Variants in SUGCT observed in about 807,000 individuals in gnomAD.
The protein encoded by SUGCT is succinyl-CoA:glutarate CoA-transferase.
A neutral mutation model predicts 55.0 loss-of-function variants in SUGCT; 41 were observed. The ratio of observed to expected loss-of-function variants is 0.74; its 90% confidence interval spans 0.58 to 0.97. The LOEUF is 0.97. Ranked by LOEUF, SUGCT falls within the 50% of genes least tolerant of loss-of-function variation. The pLI is 0.00. For missense variants in SUGCT, 568 were observed against 547.8 expected (o/e 1.04, Z -0.37); for synonymous variants, 187 against 200.4 (o/e 0.93, Z 0.56).
intron 11 of SUGCT, among the ~76,000 whole-genome samples, chr7:40,467,914 C>T (rs755506501): frequency 3.3e-5 from 5 of 150,570 alleles, no homozygotes; most frequent in Non-Finnish European, 7.4e-5. Flanking sequence ...CTTAGGAATA[C>T]ATTTTACTTT....
At chr7:40,531,193 G>A (rs985655319) in intron 12 of SUGCT, among the ~76,000 whole-genome samples, 1 of 152,194 alleles carries the variant, frequency 6.6e-6, no homozygotes, top group East Asian at 1.9e-4. Context: ...TGCACATGGA[G>A]AAAGTGCCTA....
At chr7:40,518,007 A>G (rs1198613910) in intron 12 of SUGCT, among the ~76,000 whole-genome samples, 1 of 152,178 alleles carries the variant, frequency 6.6e-6, no homozygotes, top group Admixed American at 6.6e-5. Flanking sequence ...GTAGGCGGTG[A>G]TTACAGAAGG....
intron 10 of SUGCT, among the ~76,000 whole-genome samples, chr7:40,450,262 A>G (rs1216646323): frequency 6.6e-6 from 1 of 151,954 alleles, no homozygotes; most frequent in East Asian, 1.9e-4. Context: ...TGATGTTTAT[A>G]TTAGTTATCA....
intron 12 of SUGCT, among the ~76,000 whole-genome samples, chr7:40,568,316 G>A (rs1442745610): frequency 1.3e-5 from 2 of 152,012 alleles, no homozygotes; most frequent in Non-Finnish European, 2.9e-5. Context: ...TTCTTTATCA[G>A]TGATACACAC....
chr7:40,962,105 ATTTTACAGAGTGCTGATTGGTCCAT>A, the SUGCT span, among the ~76,000 whole-genome samples: 4 of 151,944 alleles, frequency 2.6e-5, no homozygotes, highest in Non-Finnish European at 4.4e-5. Context: ...TGATTGGTTC[ATTTTACAGAGTGCTGATTGGTCCAT>A]TTTTACAGAG....
At chr7:40,741,004 G>A (rs1455330209) in intron 12 of SUGCT, among the ~76,000 whole-genome samples, 1 of 152,244 alleles carries the variant, frequency 6.6e-6, no homozygotes, top group African/African-American at 2.4e-5. Context: ...TAGCATCCTG[G>A]CATGGTGGCT....
intron 12 of SUGCT, among the ~76,000 whole-genome samples, chr7:40,583,815 T>TA (rs1797227279): frequency 6.6e-6 from 1 of 152,184 alleles, no homozygotes; most frequent in Admixed American, 6.5e-5. Flanking sequence ...TGCTGACCAA[T>TA]ACACAGCTGC....
chr7:40,732,433 T>C (rs1786941232), intron 12 of SUGCT, among the ~76,000 whole-genome samples: 5 of 152,216 alleles, frequency 3.3e-5, no homozygotes, highest in South Asian at 4.2e-4. Flanking sequence ...AATCCAGGAG[T>C]GGGACTTGAG....
intron 13 of SUGCT, among the ~76,000 whole-genome samples, chr7:40,813,061 T>C (rs1027840088): frequency 6.6e-6 from 1 of 152,206 alleles, no homozygotes; most frequent in Non-Finnish European, 1.5e-5. Flanking sequence ...TGTTCCACTG[T>C]AGTCCCAGAG....
the SUGCT span, among the ~76,000 whole-genome samples, chr7:41,002,243 A>G: frequency 1.3e-4 from 20 of 152,254 alleles, no homozygotes; most frequent in Middle Eastern, 6.8e-3. Flanking sequence ...CTGGTCTCAA[A>G]CGCCCAACCT....
At chr7:40,724,138 GA>G (rs1376056361) in intron 12 of SUGCT, among the ~76,000 whole-genome samples, 64 of 152,308 alleles carry the variant, frequency 4.2e-4, no homozygotes, top group Middle Eastern at 3.4e-3. Context: ...CAAAAAAAAT[GA>G]GCACATGATT....
chr7:40,534,391 C>A (rs1794246682), intron 12 of SUGCT, among the ~76,000 whole-genome samples: 1 of 147,422 alleles, frequency 6.8e-6, no homozygotes, highest in African/African-American at 2.5e-5. Context: ...TTCTTAATTT[C>A]TTTTTTTTTT....
rs1449288929 is a variant in SUGCT at position 40,173,838 on chromosome 7, T to TATATC, written c.101-7104_101-7100dup. Among the ~76,000 whole-genome samples, 14 of 149,232 alleles carry TATATC rather than the reference T, an allele frequency of 9.4e-5. No homozygotes were observed. In the East Asian group the frequency reaches 2.7e-3, roughly 29 times the overall value. On this transcript the variant is annotated intron_variant, in intron 1 of 13. Coordinates refer to ENST00000335693, the MANE Select transcript of SUGCT (RefSeq NM_001193313.2). ...TTGTATTTATAGAAATAATATATAG[T>TATATC]ATATCATATAAATTATATATAATGT...
intron 1 of SUGCT, among the ~76,000 whole-genome samples, chr7:40,173,380 G>A (rs1195290522): frequency 3.3e-5 from 5 of 152,326 alleles, no homozygotes; most frequent in African/African-American, 1.2e-4. Context: ...GCAAACAGCA[G>A]TGGTGGACAG....
At chr7:40,616,351 A>G (rs1178268737) in intron 12 of SUGCT, among the ~76,000 whole-genome samples, 1 of 152,064 alleles carries the variant, frequency 6.6e-6, no homozygotes, top group Non-Finnish European at 1.5e-5. Flanking sequence ...GTGAACCACC[A>G]CGCCCAACTA....
the SUGCT span, among the ~76,000 whole-genome samples, chr7:40,900,288 G>T: frequency 6.6e-6 from 1 of 152,174 alleles, no homozygotes; most frequent in Non-Finnish European, 1.5e-5. Context: ...GGCTCCTCCT[G>T]CATGACCAAG....
chr7:40,301,271 A>G (rs1438806153), intron 8 of SUGCT, among the ~76,000 whole-genome samples: 1 of 152,210 alleles, frequency 6.6e-6, no homozygotes, highest in Non-Finnish European at 1.5e-5. Context: ...AATGAAAACA[A>G]TGTGCATACC....
At chr7:40,517,793 G>T (rs1235423019) in intron 12 of SUGCT, among the ~76,000 whole-genome samples, 1 of 151,972 alleles carries the variant, frequency 6.6e-6, no homozygotes, top group Non-Finnish European at 1.5e-5. Context: ...AGAGTAGTTG[G>T]TCCATGAAGG....
At chr7:40,286,903 A>G (rs569940214) in intron 8 of SUGCT, among the ~76,000 whole-genome samples, 32 of 152,116 alleles carry the variant, frequency 2.1e-4, no homozygotes, top group Non-Finnish European at 4.0e-4. Flanking sequence ...GGAGTTGACT[A>G]CTAGTGTTGT....
Sources: allele counts gnomAD v4.1 joint callset (sites outside exome capture counted in the v4.1 genomes callset), GRCh38; gene constraint gnomAD v4.1.1; transcripts MANE v1.5; gene names NCBI Gene and HGNC (gene_info 2026-07-23, HGNC 2026-07-21).